The following POGLUT1 variants were observed in gnomAD, a reference collection of about 807,000 sequenced individuals.
POGLUT1 encodes 9630046K23Rik.
In POGLUT1, 32 loss-of-function variants were observed where a neutral mutation model predicts 61.3. That is an observed-to-expected ratio of 0.52 (90% confidence interval 0.39 to 0.70). The LOEUF (loss-of-function observed/expected upper bound fraction) is 0.70, where lower values mean the gene tolerates loss of function less well. Among genes scored for constraint, POGLUT1 ranks in the 30% least tolerant of loss-of-function variants. POGLUT1 has a pLI of 0.00. For missense variants in POGLUT1, 411 were observed against 469.8 expected, an observed-to-expected ratio of 0.87 and a Z score of 1.16; for synonymous variants, 158 against 158.2, an observed-to-expected ratio of 1.00 and a Z score of 0.01.
Position 119,477,522 on chromosome 3 carries a change from T to C in POGLUT1, c.456+74T>C, listed in dbSNP as rs777236703. The C allele has an allele frequency of 1.0e-4, 145 of 1,399,606 alleles. 3 individuals carry two copies. Among genetic ancestry groups the C allele is most frequent in the Non-Finnish European group, 1.4e-4 (142 of 997,112 alleles). The allele number at this position is 1,399,606 out of a possible 1,614,324, so 86.7% of individuals were successfully genotyped here. ...ATATGAGCATGAGATCTTTGTCCGG[T>C]GACATAGTCTGATGGATAATGGTAA... On this transcript the variant is annotated intron_variant, in intron 4 of 10. Coordinates refer to ENST00000295588, the MANE Select transcript of POGLUT1 (RefSeq NM_152305.3).
intron 2 of POGLUT1, among the ~76,000 whole-genome samples, chr3:119,470,870 T>C (rs998402090): frequency 6.6e-6 from 1 of 152,260 alleles, no homozygotes; most frequent in Admixed American, 6.5e-5. Context: ...GTTACTGCTG[T>C]CACGCTACCA....
intron 7 of POGLUT1, chr3:119,487,164 G>A: frequency 2.0e-6 from 1 of 500,362 alleles, no homozygotes; most frequent in Admixed American, 3.2e-5. Flanking sequence ...TTAAACCAGG[G>A]GTCACAAACT....
chr3:119,485,284 G>A, intron 5 of POGLUT1, 44 bp from the exon 6 acceptor site: 1 of 1,188,690 alleles, frequency 8.4e-7, no homozygotes, highest in Non-Finnish European at 1.2e-6. Flanking sequence ...TTCTTATATA[G>A]TTGAAAAAGA....
intron 6 of POGLUT1, among the ~76,000 whole-genome samples, 178 bp downstream of exon 6, chr3:119,485,565 T>C (rs2081655450): frequency 6.6e-6 from 1 of 152,236 alleles, no homozygotes; most frequent in South Asian, 2.1e-4. Flanking sequence ...AAATCGCCAT[T>C]GATTGAGTTG....
chr3:119,472,607 T>G (rs1404719814), intron 3 of POGLUT1, among the ~76,000 whole-genome samples: 4 of 152,132 alleles, frequency 2.6e-5, no homozygotes, highest in Admixed American at 2.0e-4. Context: ...TCCCAGCTAC[T>G]CAGGAGGCTG....
At chr3:119,475,975 CACACACACACACACACACAAACACAT>C (rs1308979313) in intron 3 of POGLUT1, among the ~76,000 whole-genome samples, 2 of 120,548 alleles carry the variant, frequency 1.7e-5, no homozygotes, top group African/African-American at 3.5e-5. Context: ...CACACACACA[CACACACACACACACACACAAACACAT>C]ACAGAGTTGC....
chr3:119,477,252 C>T (rs978641549), intron 3 of POGLUT1, 61 bp from the exon 4 acceptor site: 54 of 1,543,392 alleles, frequency 3.5e-5, no homozygotes, highest in Admixed American at 1.0e-4. Context: ...AATGGGACCT[C>T]GCCTTGTCCT....
At chr3:119,483,180 C>G (rs2081625832) in intron 5 of POGLUT1, among the ~76,000 whole-genome samples, 1 of 152,118 alleles carries the variant, frequency 6.6e-6, no homozygotes, top group African/African-American at 2.4e-5. Flanking sequence ...TAGAATGTAT[C>G]CTAAGGAATT....
chr3:119,469,282 C>T, intron 1 of POGLUT1, 176 bp downstream of exon 1: 1 of 611,200 alleles, frequency 1.6e-6, no homozygotes, highest in Non-Finnish European at 2.9e-6. Context: ...GTCTCTGCTC[C>T]TGCTCTGGAC....
intron 6 of POGLUT1, 62 bp from the exon 7 acceptor site, chr3:119,486,771 G>A: frequency 9.0e-7 from 1 of 1,111,946 alleles, no homozygotes; most frequent in Non-Finnish European, 1.4e-6. Context: ...TCACCTTTCA[G>A]GGATTGGGAA....
In POGLUT1 at chr3:119,470,953, G is replaced by A. The variant is rs553392324; in HGVS notation, c.177-356G>A. ...GAGAGTCAGTGCTAGACTGTAAGGC[G>A]TAAACTTCACCTCCTGTGGGATTGG... On this transcript the variant is annotated intron_variant, in intron 2 of 10. Transcript: ENST00000295588. 5.9e-5 allele frequency among the ~76,000 whole-genome samples: 9 copies of A among 152,330 alleles called. No individual in the cohort carries two copies. In the East Asian group the frequency reaches 7.7e-4, roughly 13 times the overall value.
chr3:119,486,744 T>C, intron 6 of POGLUT1, 89 bp from the exon 7 acceptor site: 1 of 865,444 alleles, frequency 1.2e-6, no homozygotes, highest in Non-Finnish European at 2.0e-6. Context: ...AGTCATTGCA[T>C]TGGGTCCTAG....
chr3:119,473,978 A>G (rs1385326789), intron 3 of POGLUT1, among the ~76,000 whole-genome samples: 5 of 152,188 alleles, frequency 3.3e-5, no homozygotes, highest in Non-Finnish European at 7.3e-5. Flanking sequence ...TCAGAAATCT[A>G]TGTGACATTT....
intron 5 of POGLUT1, among the ~76,000 whole-genome samples, chr3:119,481,222 C>T (rs1192909987): frequency 6.6e-6 from 1 of 152,148 alleles, no homozygotes; most frequent in East Asian, 1.9e-4. Context: ...GTCCCATAAG[C>T]ATCTCAAGTA....
rs3732418 is a variant in POGLUT1 at position 119,488,693 on chromosome 3, C to T, written c.739-236C>T. Reference sequence around the variant, plus strand: ...GGTGTGCTTAAACTTTAAAATCAGACGGGCCCTGGTTAAAACTCTGTCTTC... The same window carrying T: ...GGTGTGCTTAAACTTTAAAATCAGATGGGCCCTGGTTAAAACTCTGTCTTC... On this transcript the variant is annotated intron_variant, in intron 7 of 10. Transcript: ENST00000295588. 0.18 allele frequency: 57,189 copies of T among 313,920 alleles called. 6,144 individuals carry two copies. Among genetic ancestry groups the T allele is most frequent in the East Asian group, 0.29 (5,784 of 20,194 alleles). 19.4% of individuals were successfully genotyped at this position (313,920 alleles called of 1,614,324 possible).
Position 119,492,312 on chromosome 3 carries a change from G to A in POGLUT1, c.1053G>A (p.Gln351=). Residue 351 remains glutamine, a synonymous_variant, in exon 11 of 11, where the codon CAG becomes CAA. Transcript: ENST00000295588. Reference sequence around the variant, plus strand: ...GCCAGTTTATTAGGAACCATTTGCAGATGGATGACATCACCTGTTACTGGG... The same window carrying A: ...GCCAGTTTATTAGGAACCATTTGCAAATGGATGACATCACCTGTTACTGGG... The part of the protein sequence containing the change: ...RGSQFIRNHL[Q]MDDITCYWEN... 1 of 1,609,202 alleles carries A rather than the reference G, an allele frequency of 6.2e-7. No individual in the cohort carries two copies. Among genetic ancestry groups the A allele is most frequent in the Non-Finnish European group, 8.5e-7 (1 of 1,177,714 alleles).
At chr3:119,470,927 A>C (rs2081462510) in intron 2 of POGLUT1, among the ~76,000 whole-genome samples, 1 of 152,174 alleles carries the variant, frequency 6.6e-6, no homozygotes, top group Admixed American at 6.5e-5. Context: ...GACCAGAACA[A>C]GAGAGTCAGT....
At chr3:119,484,933 C>T (rs190369244) in intron 5 of POGLUT1, among the ~76,000 whole-genome samples, 1 of 152,266 alleles carries the variant, frequency 6.6e-6, no homozygotes, top group African/African-American at 2.4e-5. Flanking sequence ...ATATGAAGCT[C>T]TGGCCAGGCA....
At chr3:119,484,502 G>A (rs996662709) in intron 5 of POGLUT1, among the ~76,000 whole-genome samples, 8 of 152,176 alleles carry the variant, frequency 5.3e-5, no homozygotes, top group African/African-American at 1.9e-4. Context: ...GACTTTCAAG[G>A]ACTTCATCTT....
Sources: gnomAD v4.1 joint callset for allele counts (sites outside exome capture counted in the v4.1 genomes callset) on GRCh38, gnomAD v4.1.1 for gene constraint, MANE v1.5 for transcripts, NCBI Gene and HGNC (gene_info 2026-07-23, HGNC 2026-07-21) for gene names.